Variants in ABCF2 observed in about 807,000 individuals in gnomAD.
ABCF2 encodes ATP-binding cassette sub-family F member 2.
Under a neutral mutation model 76.9 loss-of-function variants are expected in ABCF2, and 37 were observed. The ratio of observed to expected loss-of-function variants is 0.48; its 90% CI spans 0.37 to 0.63. The LOEUF (loss-of-function observed/expected upper bound fraction) is 0.63, where lower values mean the gene tolerates loss of function less well. ABCF2 is among the 30% of genes least tolerant of loss of function. ABCF2 has a pLI of 0.00. For missense variants in ABCF2, 524 were observed against 782.1 expected, an observed-to-expected ratio of 0.67 and a Z score of 3.94; for synonymous variants, 299 against 283.7, an observed-to-expected ratio of 1.05 and a Z score of -0.54.
chr7:151,218,040 G>T (rs1802187052), intron 11 of ABCF2, 41 bp downstream of exon 11: 7 of 1,434,956 alleles, frequency 4.9e-6, no homozygotes, highest in Non-Finnish European at 6.9e-6. Flanking sequence ...CCATCGCAAG[G>T]CCTAATCTTA....
rs149236318 is a variant in ABCF2, at chr7:151,224,957, G to A, written c.186C>T (p.Asp62=). The A allele has an allele frequency of 5.6e-6, 9 of 1,614,090 alleles. No individual in the cohort carries two copies. The African/African-American group carries it at 9.3e-5, about 17-fold the overall frequency. ...EVDLLTKELE[D]FEMKKAAARA... ...GAGCAGCAGCTTTCTTCATCTCAAA[G>A]TCCTCTAGCTCCTTGGTCAGCAAAT... The change falls in exon 3 of 15, where the codon GAC becomes GAT. Residue 62 remains aspartate, a synonymous_variant. Transcript: ENST00000287844.
chr7:151,219,806 AT>A (rs111920637), intron 7 of ABCF2, among the ~76,000 whole-genome samples: 74 of 152,394 alleles, frequency 4.9e-4, no homozygotes, highest in African/African-American at 1.8e-3. Context: ...GATTATTAAA[AT>A]TGTAACTGTG....
chr7:151,223,125 T>C (rs1802305056), intron 5 of ABCF2, among the ~76,000 whole-genome samples: 1 of 152,122 alleles, frequency 6.6e-6, no homozygotes, highest in African/African-American at 2.4e-5. Flanking sequence ...ACTGTGCTTA[T>C]ACTCTAAGGC....
Position 151,218,637 on chromosome 7 carries a change from TA to T in ABCF2, c.1150del (p.Tyr384IlefsTer18). ...RVVSDKTLSF[Y>X]FPPCGKIPPP... ...AGGGATCTTGCCACATGGTGGGAAATAAAATGACAGTGTCTAGGAAGAAAAG... is the reference window on the plus strand; with the variant it reads ...AGGGATCTTGCCACATGGTGGGAAATAAATGACAGTGTCTAGGAAGAAAAG... On this transcript the variant is annotated frameshift_variant, in exon 10 of 15. Coordinates refer to ENST00000287844, the MANE Select transcript of ABCF2 (RefSeq NM_007189.3). The T allele has an allele frequency of 6.2e-7, 1 of 1,614,008 alleles. No homozygotes were observed. Among genetic ancestry groups the T allele is most frequent in the South Asian group, 1.1e-5 (1 of 91,074 alleles).
At position 151,213,484 on chromosome 7, in the gene ABCF2, A is replaced by C; in HGVS notation, c.*570T>G. The C allele has an allele frequency of 2.0e-6, 2 of 985,844 alleles. No individual in the cohort carries two copies. Among genetic ancestry groups the C allele is most frequent in the African/African-American group, 3.5e-5 (2 of 57,376 alleles). 61.1% of individuals were successfully genotyped at this position (985,844 alleles called of 1,614,324 possible). A position where few individuals can be genotyped will look rare whatever the true frequency, so the allele number is the denominator to read the frequency against. On this transcript the variant is annotated 3_prime_UTR_variant, in exon 15 of 15. Transcript: ENST00000287844. Reference sequence around the variant, plus strand: ...CACTGCAGGGAGGAGAAGGCCCCAGAGACCCGAGAAGGAAGGTAGGGACCG... The same window carrying C: ...CACTGCAGGGAGGAGAAGGCCCCAGCGACCCGAGAAGGAAGGTAGGGACCG...
chr7:151,226,418 T>C lies in ABCF2; in HGVS notation c.41A>G (p.Lys14Arg). The C allele has an allele frequency of 6.2e-7, 1 of 1,614,180 alleles. No individual in the cohort carries two copies. The highest frequency in any genetic ancestry group is 8.5e-7 in the Non-Finnish European group (1 of 1,180,028). Residue 14 changes from lysine to arginine, a missense_variant, in exon 2 of 15, where the codon AAG becomes AGG. Lys to Arg is a conservative substitution (Grantham distance 26). Coordinates refer to ENST00000287844, the MANE Select transcript of ABCF2 (RefSeq NM_007189.3). Reference sequence around the variant, plus strand: ...CCGCTGTCGAGCTTTGGCAGCCTCCTTCTTTTTGGCTGCCTTCTTCTTGGC... The same window carrying C: ...CCGCTGTCGAGCTTTGGCAGCCTCCCTCTTTTTGGCTGCCTTCTTCTTGGC... ...DLAKKKAAKK[K>R]EAAKARQRPR...
chr7:151,223,823 A>T lies in ABCF2; in HGVS notation c.577T>A (p.Tyr193Asn). 6.2e-7 allele frequency: 1 copy of T among 1,613,730 alleles called. No homozygotes were observed. The highest frequency in any genetic ancestry group is 8.5e-7 in the Non-Finnish European group (1 of 1,179,780). ...GCATCCAGCTCCTCCAGGCGCTCGT[A>T]GAGCTCCATGAGCTTCTCACACTCC... ...DAECEKLMEL[Y>N]ERLEELDADK... Residue 193 changes from tyrosine (Y) to asparagine (N), a missense_variant, in exon 5 of 15, where the codon TAC (tyrosine) becomes AAC (asparagine). Physicochemically the swap from Tyr to Asn is moderately radical, Grantham distance 143. This residue lies in a region of ABCF2 where 330 missense variants were observed against 433.6 expected (regional missense o/e 0.76). Coordinates refer to ENST00000287844, the MANE Select transcript of ABCF2 (RefSeq NM_007189.3).
chr7:151,227,193 A>T lies in ABCF2; in HGVS notation c.-73T>A, dbSNP rs536825952. The T allele has an allele frequency of 3.2e-4, 48 of 152,188 alleles. No homozygotes were observed. The highest frequency in any genetic ancestry group is 1.1e-3 in the African/African-American group (47 of 41,480). The allele number at this position is 152,188 out of a possible 1,614,324, so 9.4% of individuals were successfully genotyped here. A position where few individuals can be genotyped will look rare whatever the true frequency, so the allele number is the denominator to read the frequency against. ...CTCGCTGCTCGGCCTATGTCGCAAC[A>T]GAGCTGCTCCTTAGGATCCTCCGCG... On this transcript the variant is annotated 5_prime_UTR_variant, in exon 1 of 15. Transcript: ENST00000287844.
intron 7 of ABCF2, among the ~76,000 whole-genome samples, chr7:151,219,825 G>A (rs549660188): frequency 1.3e-5 from 2 of 152,394 alleles, no homozygotes; most frequent in South Asian, 4.1e-4. Context: ...GTGGCCAGGT[G>A]CAGTGGCTCA....
rs986420854 is a variant in ABCF2, at chr7:151,212,081, G to C, written c.*1973C>G. On this transcript the variant is annotated 3_prime_UTR_variant, in exon 15 of 15. Transcript: ENST00000287844. ...TCTAATTTGTGTCCTGTATGGTTCTGTCTTACTGGCTTTCCAAGAAGATCA... is the reference window on the plus strand; with the variant it reads ...TCTAATTTGTGTCCTGTATGGTTCTCTCTTACTGGCTTTCCAAGAAGATCA... The C allele has an allele frequency of 1.0e-6, 1 of 965,784 alleles. No homozygotes were observed. The highest frequency in any genetic ancestry group is 1.2e-6 in the Non-Finnish European group (1 of 812,068). 59.8% of individuals were successfully genotyped at this position (965,784 alleles called of 1,614,324 possible).
In ABCF2 at chr7:151,213,467, G is replaced by T. The variant is rs1273166852; in HGVS notation, c.*587C>A. ...TGGGCAGTGCATGTTGGCACTGCAG[G>T]GAGGAGAAGGCCCCAGAGACCCGAG... On this transcript the variant is annotated 3_prime_UTR_variant, in exon 15 of 15. Coordinates refer to ENST00000287844, the MANE Select transcript of ABCF2 (RefSeq NM_007189.3). 2.0e-6 allele frequency: 2 copies of T among 985,478 alleles called. No homozygotes were observed. The highest frequency in any genetic ancestry group is 2.3e-4 in the East Asian group (2 of 8,828). The allele number at this position is 985,478 out of a possible 1,614,324, so 61.0% of individuals were successfully genotyped here. A position where few individuals can be genotyped will look rare whatever the true frequency, so the allele number is the denominator to read the frequency against.
intron 2 of ABCF2, among the ~76,000 whole-genome samples, chr7:151,225,983 T>C (rs1203832815): frequency 6.6e-6 from 1 of 152,162 alleles, no homozygotes; most frequent in Non-Finnish European, 1.5e-5. Context: ...GCAAAGAACC[T>C]GGCACATTGG....
Position 151,215,884 on chromosome 7 carries a change from G to A in ABCF2, c.1401+83C>T. The A allele has an allele frequency of 6.3e-7, 1 of 1,582,956 alleles. No individual in the cohort carries two copies. ...AGGCTGGAATTCCTGCCAGGGGGTG[G>A]GGGCGGCTGGCTGGAACTCAGCCAG... On this transcript the variant is annotated intron_variant, in intron 12 of 14. Transcript: ENST00000287844. This position sits in a 1 kb window ranked among gnomAD's most constrained non-coding sequence, Gnocchi z 4.6.
In ABCF2 at chr7:151,213,057, C is replaced by A. The variant is rs551000496; in HGVS notation, c.*997G>T. On this transcript the variant is annotated 3_prime_UTR_variant, in exon 15 of 15. Coordinates refer to ENST00000287844, the MANE Select transcript of ABCF2 (RefSeq NM_007189.3). ...GGGATTACAGGTGTGAGCCACCGCA[C>A]CTGGCCTGCATTTTTAACAAGCAGC... is the stretch of plus-strand genomic sequence containing the variant. The A allele has an allele frequency of 4.1e-6, 4 of 985,308 alleles. No individual in the cohort carries two copies. Among genetic ancestry groups the A allele is most frequent in the Non-Finnish European group, 4.8e-6 (4 of 829,978 alleles). The allele number at this position is 985,308 out of a possible 1,614,324, so 61.0% of individuals were successfully genotyped here.
rs147155537 is a variant in ABCF2, at chr7:151,224,093, G to A, written c.389C>T (p.Ala130Val). The change falls in exon 4 of 15, where the codon GCT (alanine) becomes GTT (valine). Residue 130 changes from alanine (A) to valine (V), a missense_variant. Transcript: ENST00000287844. The stretch of plus-strand genomic sequence containing the variant: ...GATGGGCACTTCACGCTTCCCAATA[G>A]CAGAGAGCAGCATGGACTTTCCTGA... ...NGIGKSMLLS[A>V]IGKREVPIPE... The A allele has an allele frequency of 3.1e-6, 5 of 1,614,200 alleles. No individual in the cohort carries two copies. The highest frequency in any genetic ancestry group is 4.2e-6 in the Non-Finnish European group (5 of 1,180,026).
At chr7:151,223,641 G>T in intron 5 of ABCF2, 37 bp downstream of exon 5, 1 of 1,552,720 alleles carries the variant, frequency 6.4e-7, no homozygotes, top group South Asian at 1.2e-5. Context: ...GGAGAGATGG[G>T]GGAGTTATGG....
At position 151,216,053 on chromosome 7, in the gene ABCF2, T is replaced by C. The variant is rs1296032269; in HGVS notation, c.1339-24A>G. The C allele has an allele frequency of 9.3e-6, 15 of 1,607,744 alleles. No individual in the cohort carries two copies. The South Asian group carries it at 1.6e-4, about 18-fold the overall frequency. On this transcript the variant is annotated intron_variant, in intron 11 of 14. Coordinates refer to ENST00000287844, the MANE Select transcript of ABCF2 (RefSeq NM_007189.3). The stretch of plus-strand genomic sequence containing the variant: ...AGCTAGGAAGAAAAAAGTAGAAACG[T>C]AAGCATGAAACAAAGGAAGCCCAGT...
Position 151,213,198 on chromosome 7 carries a change from G to C in ABCF2, c.*856C>G, listed in dbSNP as rs1802082205. ...CAACAACAGCATCACCTGGAAACTT[G>C]CTAGAAATGTTAACGTTCTTGGTCT... On this transcript the variant is annotated 3_prime_UTR_variant, in exon 15 of 15. Coordinates refer to ENST00000287844, the MANE Select transcript of ABCF2 (RefSeq NM_007189.3). 1 of 983,134 alleles carries C rather than the reference G, an allele frequency of 1.0e-6. No individual in the cohort carries two copies. Among genetic ancestry groups the C allele is most frequent in the Non-Finnish European group, 1.2e-6 (1 of 827,872 alleles). The allele number at this position is 983,134 out of a possible 1,614,324, so 60.9% of individuals were successfully genotyped here.
At chr7:151,218,412 T>G (rs1036143745) in intron 10 of ABCF2, 149 bp downstream of exon 10, 1 of 758,120 alleles carries the variant, frequency 1.3e-6, no homozygotes, top group African/African-American at 1.8e-5. Flanking sequence ...GCGAGCAGCC[T>G]TGGATGAGGC....
Sources: allele counts gnomAD v4.1 joint callset (sites outside exome capture counted in the v4.1 genomes callset), GRCh38; gene constraint gnomAD v4.1.1; regional missense constraint gnomAD v4.1.1; non-coding constraint Gnocchi (gnomAD v3.1); transcripts MANE v1.5; gene names NCBI Gene and HGNC (gene_info 2026-07-23, HGNC 2026-07-21).